OSBPL3: variants seen among roughly 807,000 people sequenced by gnomAD.
OSBPL3 encodes the protein oxysterol-binding protein-related protein 3.
Under a neutral mutation model 120.1 loss-of-function variants are expected in OSBPL3, and 65 were observed. The observed-to-expected ratio is 0.54, with a 90% CI of 0.44 to 0.67. The LOEUF (loss-of-function observed/expected upper bound fraction) is 0.67. Ranked by LOEUF, OSBPL3 falls within the 30% of genes least tolerant of loss-of-function variation. The pLI is 0.00. For missense variants in OSBPL3, 1,004 were observed against 1,082.1 expected (o/e 0.93, Z 1.01); for synonymous variants, 416 against 402.6 (o/e 1.03, Z -0.40).
At position 24,937,896 on chromosome 7, in the gene OSBPL3, C is replaced by T. The variant is rs532845325; in HGVS notation, c.-150+41990G>A. Among the ~76,000 whole-genome samples the T allele has an allele frequency of 2.8e-4, 42 of 152,254 alleles. No homozygotes were observed. In the South Asian group the frequency reaches 8.1e-3, roughly 29 times the overall value. ...TGGTTTTATATTATGCTTCCAGAATCGAAAGGTATTTCCAAAGTATAATCC... is the reference window on the plus strand; with the variant it reads ...TGGTTTTATATTATGCTTCCAGAATTGAAAGGTATTTCCAAAGTATAATCC... On this transcript the variant is annotated intron_variant, in intron 1 of 22. Coordinates refer to ENST00000313367, the MANE Select transcript of OSBPL3 (RefSeq NM_015550.4). The surrounding 1 kb of genome is among the most constrained non-coding windows in gnomAD (Gnocchi z 4.0).
chr7:24,853,021 T>A (rs1799364554), intron 10 of OSBPL3, among the ~76,000 whole-genome samples: 1 of 152,216 alleles, frequency 6.6e-6, no homozygotes, highest in South Asian at 2.1e-4. Flanking sequence ...TTAACTCCCA[T>A]TCACACACAT....
chr7:24,856,651 G>A (rs943545005), intron 10 of OSBPL3, among the ~76,000 whole-genome samples: 3 of 152,106 alleles, frequency 2.0e-5, no homozygotes, highest in South Asian at 2.1e-4. Context: ...TCCAAAATAC[G>A]TTTCTACATC....
intron 1 of OSBPL3, among the ~76,000 whole-genome samples, chr7:24,943,128 CATTAAGTCCTT>C: frequency 6.6e-6 from 1 of 152,322 alleles, no homozygotes; most frequent in South Asian, 2.1e-4. Flanking sequence ...TGCTGTAGAT[CATTAAGTCCTT>C]ACTATAGTCT....
intron 10 of OSBPL3, among the ~76,000 whole-genome samples, chr7:24,853,868 T>C (rs1799484991): frequency 6.6e-6 from 1 of 152,206 alleles, no homozygotes; most frequent in Non-Finnish European, 1.5e-5. Flanking sequence ...TCTGTAAGTT[T>C]GTAATTGTTT....
At position 24,813,570 on chromosome 7, in the gene OSBPL3, A is replaced by G. The variant is rs1029930514; in HGVS notation, c.2172+1489T>C. 1.3e-5 allele frequency among the ~76,000 whole-genome samples: 2 copies of G among 152,176 alleles called. No homozygotes were observed. The highest frequency in any genetic ancestry group is 4.8e-5 in the African/African-American group (2 of 41,434). On this transcript the variant is annotated intron_variant, in intron 19 of 22. Coordinates refer to ENST00000313367, the MANE Select transcript of OSBPL3 (RefSeq NM_015550.4). The surrounding 1 kb of genome is among the most constrained non-coding windows in gnomAD (Gnocchi z 4.5). ...TAGGGTCATTTTTATTTTGTCCCAC[A>G]TGTAAGGTCATTATGGGCTTTATGT...
chr7:24,931,941 T>C (rs563620638), intron 1 of OSBPL3, among the ~76,000 whole-genome samples: 1 of 152,294 alleles, frequency 6.6e-6, no homozygotes, highest in African/African-American at 2.4e-5. Flanking sequence ...TTAGAAAACC[T>C]GGGCTCTCAT....
At chr7:24,811,543 T>C (rs1793799213) in intron 19 of OSBPL3, among the ~76,000 whole-genome samples, 1 of 152,280 alleles carries the variant, frequency 6.6e-6, no homozygotes, top group Non-Finnish European at 1.5e-5. Flanking sequence ...TTGTTGTCTG[T>C]GCTTTTGGGG....
At chr7:24,921,979 A>T (rs1031981727) in intron 1 of OSBPL3, among the ~76,000 whole-genome samples, 1 of 152,224 alleles carries the variant, frequency 6.6e-6, no homozygotes, top group Non-Finnish European at 1.5e-5. Flanking sequence ...TGATCAATAC[A>T]GATTCAATTT....
Position 24,871,921 on chromosome 7 carries a change from G to A in OSBPL3, c.213+32C>T. On this transcript the variant is annotated intron_variant, in intron 3 of 22. Transcript: ENST00000313367. The surrounding 1 kb of genome is among the most constrained non-coding windows in gnomAD (Gnocchi z 4.8). ...AGGTGCTGAGTGGGGCAGTGTGAGT[G>A]CAAATAAAGGGGAGGCCAAGACCAA... 2 of 1,511,692 alleles carry A rather than the reference G, an allele frequency of 1.3e-6. No individual in the cohort carries two copies. Among genetic ancestry groups the A allele is most frequent in the Non-Finnish European group, 9.2e-7 (1 of 1,086,550 alleles). The allele number at this position is 1,511,692 out of a possible 1,614,324, so 93.6% of individuals were successfully genotyped here.
rs929998206 is a variant in OSBPL3 at position 24,851,028 on chromosome 7, T to A, written c.1158+1476A>T. ...GCCTAGGATACCACAGCCAAATAGG[T>A]CTCAGTGGCCAAACAGGCAGATTGA... On this transcript the variant is annotated intron_variant, in intron 11 of 22. Coordinates refer to ENST00000313367, the MANE Select transcript of OSBPL3 (RefSeq NM_015550.4). This position sits in a 1 kb window ranked among gnomAD's most constrained non-coding sequence, Gnocchi z 4.1. Among the ~76,000 whole-genome samples, 1 of 152,094 alleles carries A rather than the reference T, an allele frequency of 6.6e-6. No individual in the cohort carries two copies. The highest frequency in any genetic ancestry group is 2.4e-5 in the African/African-American group (1 of 41,402).
At chr7:24,838,024 G>A (rs1161706207) in intron 14 of OSBPL3, among the ~76,000 whole-genome samples, 2 of 152,192 alleles carry the variant, frequency 1.3e-5, no homozygotes, top group Non-Finnish European at 2.9e-5. Context: ...CAGGCAAAAT[G>A]ATGATATGAA....
Position 24,830,867 on chromosome 7 carries a change from A to T in OSBPL3, c.1785T>A (p.Ser595=). 1.2e-6 allele frequency: 2 copies of T among 1,613,760 alleles called. No homozygotes were observed. The highest frequency in any genetic ancestry group is 4.5e-5 in the East Asian group (2 of 44,872). The change falls in exon 16 of 23, where the codon TCT becomes TCA. Residue 595 remains serine, a synonymous_variant. Coordinates refer to ENST00000313367, the MANE Select transcript of OSBPL3 (RefSeq NM_015550.4). This position sits in a 1 kb window ranked among gnomAD's most constrained non-coding sequence, Gnocchi z 4.4. ...GCTTGCTTCCAGCTCGGTAGTAGCT[A>T]GATGCATACGCTGATATGGCAAAGG... is the stretch of plus-strand genomic sequence containing the variant. ...VAAFAISAYA[S]SYYRAGSKPF...
intron 1 of OSBPL3, among the ~76,000 whole-genome samples, chr7:24,934,454 A>T (rs79609647): frequency 0.048 from 7,342 of 152,234 alleles, 394 homozygotes; most frequent in East Asian, 0.23. Flanking sequence ...CTGTGCCTAA[A>T]TGGAAAACAA....
At chr7:24,839,428 G>T (rs1385659861) in intron 14 of OSBPL3, among the ~76,000 whole-genome samples, 1 of 152,194 alleles carries the variant, frequency 6.6e-6, no homozygotes, top group African/African-American at 2.4e-5. Context: ...CTAGCATTAT[G>T]AAATATCTTT....
In OSBPL3 at chr7:24,937,008, C is replaced by T. The variant is rs1199772097; in HGVS notation, c.-150+42878G>A. ...TCCATTCTTGTGCTGCTAATAAAGA[C>T]ATACCCAAGACTGGGTAATTTATAA... is the stretch of plus-strand genomic sequence containing the variant. On this transcript the variant is annotated intron_variant, in intron 1 of 22. Coordinates refer to ENST00000313367, the MANE Select transcript of OSBPL3 (RefSeq NM_015550.4). The surrounding 1 kb of genome is among the most constrained non-coding windows in gnomAD (Gnocchi z 4.0). Among the ~76,000 whole-genome samples, 1 of 152,200 alleles carries T rather than the reference C, an allele frequency of 6.6e-6. No individual in the cohort carries two copies. The highest frequency in any genetic ancestry group is 1.5e-5 in the Non-Finnish European group (1 of 68,036).
rs1794150484 is a variant in OSBPL3, at chr7:24,813,952, A to G, written c.2172+1107T>C. ...TTTATGAGTCTCTCATGTGTGCCAGACACCATTGCAGGAATCAGGGCTACA... is the reference window on the plus strand; with the variant it reads ...TTTATGAGTCTCTCATGTGTGCCAGGCACCATTGCAGGAATCAGGGCTACA... On this transcript the variant is annotated intron_variant, in intron 19 of 22. Transcript: ENST00000313367. This position sits in a 1 kb window ranked among gnomAD's most constrained non-coding sequence, Gnocchi z 4.5. Among the ~76,000 whole-genome samples, 1 of 152,196 alleles carries G rather than the reference A, an allele frequency of 6.6e-6. No individual in the cohort carries two copies. The highest frequency in any genetic ancestry group is 2.4e-5 in the African/African-American group (1 of 41,452).
rs775173151 is a variant in OSBPL3 at position 24,955,759 on chromosome 7, CTTTG to C, written c.-150+24123_-150+24126del. Among the ~76,000 whole-genome samples the C allele has an allele frequency of 9.9e-5, 15 of 152,194 alleles. No homozygotes were observed. Among genetic ancestry groups the C allele is most frequent in the Admixed American group, 2.0e-4 (3 of 15,274 alleles). ...AATGCAAACTCCATGAGGGCAGGGA[CTTTG>C]TTTGTTGTTGTATCCCCTGGACCCA... On this transcript the variant is annotated intron_variant, in intron 1 of 22. Coordinates refer to ENST00000313367, the MANE Select transcript of OSBPL3 (RefSeq NM_015550.4). The surrounding 1 kb of genome is among the most constrained non-coding windows in gnomAD (Gnocchi z 4.3).
upstream of OSBPL3, among the ~76,000 whole-genome samples, chr7:24,980,821 C>A (rs1487381622): frequency 6.6e-6 from 1 of 152,022 alleles, no homozygotes; most frequent in Non-Finnish European, 1.5e-5. Context: ...AGTTTATGTG[C>A]AAGGGGGTAG....
intron 5 of OSBPL3, among the ~76,000 whole-genome samples, chr7:24,870,041 A>G (rs545273233): frequency 6.6e-6 from 1 of 152,372 alleles, no homozygotes; most frequent in South Asian, 2.1e-4. Flanking sequence ...AGTTTTCTAC[A>G]TGCAACCCGA....
Sources: allele counts gnomAD v4.1 joint callset (sites outside exome capture counted in the v4.1 genomes callset), GRCh38; gene constraint gnomAD v4.1.1; non-coding constraint Gnocchi (gnomAD v3.1); transcripts MANE v1.5; gene names NCBI Gene and HGNC (gene_info 2026-07-23, HGNC 2026-07-21).